Variants in RNF166 observed in about 807,000 individuals in gnomAD.
RNF166 encodes the protein ring finger protein 166.
RNF166 carries 19 observed loss-of-function variants against 29.4 expected under a neutral mutation model. The observed-to-expected ratio is 0.65, with a 90% CI of 0.45 to 0.95. The LOEUF (loss-of-function observed/expected upper bound fraction) is 0.95. RNF166 is among the 40% of genes least tolerant of loss of function. The pLI, the probability that RNF166 is intolerant of heterozygous loss-of-function variation, is 0.00. For missense variants in RNF166, 347 were observed against 322.1 expected (o/e 1.08, Z -0.59); for synonymous variants, 171 against 134.5 (o/e 1.27, Z -1.88).
intron 1 of RNF166, among the ~76,000 whole-genome samples, chr16:88,702,438 G>A (rs1182859228): frequency 6.6e-6 from 1 of 152,224 alleles, no homozygotes; most frequent in African/African-American, 2.4e-5. Flanking sequence ...GGACAGAGGG[G>A]CTGTGGGCAG....
At position 88,696,812 on chromosome 16, in the gene RNF166, C is replaced by T. The variant is rs984077579; in HGVS notation, c.*756G>A. 2.0e-5 allele frequency: 7 copies of T among 348,046 alleles called. No homozygotes were observed. The highest frequency in any genetic ancestry group is 6.5e-5 in the South Asian group (3 of 46,268). The allele number at this position is 348,046 out of a possible 1,614,324, so 21.6% of individuals were successfully genotyped here. The stretch of plus-strand genomic sequence containing the variant: ...TTTCTTCCTGGTCATCAAAGAGAAA[C>T]GTACAAACCTCAAGGACCCAGACAC... On this transcript the variant is annotated 3_prime_UTR_variant, in exon 6 of 6. Coordinates refer to ENST00000312838, the MANE Select transcript of RNF166 (RefSeq NM_178841.4).
intron 1 of RNF166, chr16:88,703,282 C>G (rs960744798): frequency 1.0e-6 from 1 of 984,996 alleles, no homozygotes; most frequent in Non-Finnish European, 1.2e-6. Flanking sequence ...ACACTGGAAA[C>G]GACTGGATGG....
intron 2 of RNF166, 173 bp downstream of exon 2, chr16:88,701,089 T>A: frequency 7.8e-7 from 1 of 1,284,154 alleles, no homozygotes; most frequent in Non-Finnish European, 1.0e-6. Flanking sequence ...AAGTGAGAGA[T>A]GAAGACGGGA....
At chr16:88,703,664 G>A in intron 1 of RNF166, 1 of 985,548 alleles carries the variant, frequency 1.0e-6, no homozygotes, top group Non-Finnish European at 1.2e-6. Context: ...CCCACCCAGG[G>A]GCTGGTGCTG....
At position 88,697,638 on chromosome 16, in the gene RNF166, A is replaced by C. The variant is rs1416375398; in HGVS notation, c.649-5T>G. 1 of 1,549,138 alleles carries C rather than the reference A, an allele frequency of 6.5e-7. No homozygotes were observed. The highest frequency in any genetic ancestry group is 1.2e-5 in the South Asian group (1 of 84,034). On this transcript the variant is annotated splice_region_variant and splice_polypyrimidine_tract_variant and intron_variant, in intron 5 of 5. Transcript: ENST00000312838. Reference sequence around the variant, plus strand: ...CTCCTCGTCAATACTGTAGTCCTGGAGACAGGAAGGAGAGATGCACCGGGC... The same window carrying C: ...CTCCTCGTCAATACTGTAGTCCTGGCGACAGGAAGGAGAGATGCACCGGGC...
intron 1 of RNF166, chr16:88,703,374 G>GA (rs934464682): frequency 1.0e-6 from 1 of 985,384 alleles, no homozygotes; most frequent in African/African-American, 1.7e-5. Flanking sequence ...TGAGGGGAAG[G>GA]AAAAGGGTCC....
Position 88,706,215 on chromosome 16 carries a change from C to T in RNF166, c.111G>A (p.Leu37=). The stretch of plus-strand genomic sequence containing the variant: ...TGGCCACGGGCCGGTGATAGACCTC[C>T]AGGCAGATGGGGCAGGTGTACTGCG... ...LEAQYTCPIC[L]EVYHRPVAIG... Residue 37 remains leucine (L), a synonymous_variant, in exon 1 of 6, where the codon CTG becomes CTA. Transcript: ENST00000312838. 2.3e-6 allele frequency: 3 copies of T among 1,321,558 alleles called. No homozygotes were observed. The highest frequency in any genetic ancestry group is 3.5e-5 in the East Asian group (1 of 28,260). 81.9% of individuals were successfully genotyped at this position (1,321,558 alleles called of 1,614,324 possible).
At chr16:88,703,422 G>T (rs1910466503) in intron 1 of RNF166, 1 of 985,508 alleles carries the variant, frequency 1.0e-6, no homozygotes, top group Non-Finnish European at 1.2e-6. Flanking sequence ...GTGCCCAGAA[G>T]GTTGGCTGGG....
At chr16:88,705,744 C>T (rs1339591433) in intron 1 of RNF166, among the ~76,000 whole-genome samples, 1 of 152,226 alleles carries the variant, frequency 6.6e-6, no homozygotes, top group African/African-American at 2.4e-5. Context: ...ACAGCGGGTC[C>T]GAACAAGAGT....
rs1194073838 is a variant in RNF166 at position 88,698,806 on chromosome 16, GTTTC to G, written c.540+161_540+164del. Among the ~76,000 whole-genome samples, 5 of 152,302 alleles carry G rather than the reference GTTTC, an allele frequency of 3.3e-5. No individual in the cohort carries two copies. In the East Asian group the frequency reaches 9.6e-4, roughly 29 times the overall value. On this transcript the variant is annotated intron_variant, in intron 4 of 5. Transcript: ENST00000312838. ...CTGAAGGACTCATGGACACTCCCCGGTTTCCGCCAGGTGCTGCTCGGGCAGCCAA... is the reference window on the plus strand; with the variant it reads ...CTGAAGGACTCATGGACACTCCCCGGCGCCAGGTGCTGCTCGGGCAGCCAA...
rs1909676394 is a variant in RNF166, at chr16:88,696,773, C to G, written c.*795G>C. On this transcript the variant is annotated 3_prime_UTR_variant, in exon 6 of 6. Coordinates refer to ENST00000312838, the MANE Select transcript of RNF166 (RefSeq NM_178841.4). ...TGCTGGGAGCAGCCACAGCCTGTGG[C>G]TGGGGTGCTGGGATTTCTTCCTGGT... 1 of 373,572 alleles carries G rather than the reference C, an allele frequency of 2.7e-6. No individual in the cohort carries two copies. The highest frequency in any genetic ancestry group is 2.1e-5 in the African/African-American group (1 of 46,588). The allele number at this position is 373,572 out of a possible 1,614,324, so 23.1% of individuals were successfully genotyped here. A position where few individuals can be genotyped will look rare whatever the true frequency, so the allele number is the denominator to read the frequency against.
intron 3 of RNF166, among the ~76,000 whole-genome samples, chr16:88,699,334 C>T (rs566804119): frequency 8.5e-5 from 13 of 152,370 alleles, no homozygotes; most frequent in African/African-American, 2.6e-4. Flanking sequence ...TGGCAGGAGC[C>T]GTCTCTCGGC....
At chr16:88,702,844 G>C (rs1240918446) in intron 1 of RNF166, 1 of 985,372 alleles carries the variant, frequency 1.0e-6, no homozygotes, top group African/African-American at 1.7e-5. Flanking sequence ...CCCTGGATTT[G>C]AGCCGGGGGG....
rs1567642290 is a variant in RNF166, at chr16:88,706,115, C to G, written c.155+56G>C. ...CCGGGGCGGCCGCCGGCCTCGCGAC[C>G]CCTCCCGCGGCGGGGCACGGCCCCC... is the stretch of plus-strand genomic sequence containing the variant. On this transcript the variant is annotated intron_variant, in intron 1 of 5. Coordinates refer to ENST00000312838, the MANE Select transcript of RNF166 (RefSeq NM_178841.4). 8 of 1,084,036 alleles carry G rather than the reference C, an allele frequency of 7.4e-6. No homozygotes were observed. The South Asian group carries it at 3.0e-4, about 41-fold the overall frequency. The allele number at this position is 1,084,036 out of a possible 1,614,324, so 67.2% of individuals were successfully genotyped here.
At chr16:88,698,748 C>G in intron 4 of RNF166, 139 bp from the exon 5 acceptor site, 2 of 682,574 alleles carry the variant, frequency 2.9e-6, no homozygotes, top group Non-Finnish European at 2.5e-6. Context: ...GCGCGTGTCC[C>G]GGTGACAAGC....
At chr16:88,704,213 T>G (rs877579) in intron 1 of RNF166, 1 of 985,278 alleles carries the variant, frequency 1.0e-6, no homozygotes, top group African/African-American at 1.7e-5. Flanking sequence ...CTTTAAACTT[T>G]CTGTGGTCAT....
At position 88,697,586 on chromosome 16, in the gene RNF166, C is replaced by G; in HGVS notation, c.696G>C (p.Leu232=). The G allele has an allele frequency of 1.3e-6, 2 of 1,550,870 alleles. No individual in the cohort carries two copies. The highest frequency in any genetic ancestry group is 1.7e-4 in the Middle Eastern group (1 of 5,986). The change falls in exon 6 of 6, where the codon CTG becomes CTC. Residue 232 remains leucine (L), a synonymous_variant. Coordinates refer to ENST00000312838, the MANE Select transcript of RNF166 (RefSeq NM_178841.4). ...EEAAFQAALA[L]SLSEN is the part of the protein sequence containing the mutation. ...CTTCCCTTCAGTTCTCAGAGAGAGA[C>G]AGGGCCAGAGCAGCCTGGAAGGCGG... is the stretch of plus-strand genomic sequence containing the variant.
At chr16:88,702,365 C>T (rs1048384040) in intron 1 of RNF166, among the ~76,000 whole-genome samples, 1 of 152,196 alleles carries the variant, frequency 6.6e-6, no homozygotes, top group African/African-American at 2.4e-5. Context: ...AAGGCTACAG[C>T]ACCCGGGGGT....
At position 88,699,004 on chromosome 16, in the gene RNF166, A is replaced by G. The variant is rs777315475; in HGVS notation, c.507T>C (p.Cys169=). ...TGGGGTCGCTGCGGTGGCTTTCCAC[A>G]CAGTGCTTCACCAGCTCCTGCTGGT... is the stretch of plus-strand genomic sequence containing the variant. The part of the protein sequence containing the change: ...NLDQQELVKH[C]VESHRSDPNR... The change falls in exon 4 of 6, where the codon TGT becomes TGC. Residue 169 remains cysteine (C), a synonymous_variant. Transcript: ENST00000312838. 2.5e-6 allele frequency: 4 copies of G among 1,607,348 alleles called. No homozygotes were observed. The highest frequency in any genetic ancestry group is 3.4e-5 in the Admixed American group (2 of 59,258).
Sources: allele counts gnomAD v4.1 joint callset (sites outside exome capture counted in the v4.1 genomes callset), GRCh38; gene constraint gnomAD v4.1.1; transcripts MANE v1.5; gene names NCBI Gene and HGNC (gene_info 2026-07-23, HGNC 2026-07-21).